Variants in WT1 observed in about 807,000 individuals in gnomAD.
WT1 encodes Wilms tumor protein.
In WT1, 8 loss-of-function variants were observed where a neutral mutation model predicts 60.8. The observed-to-expected ratio is 0.13, with a 90% CI of 0.08 to 0.24. The LOEUF (loss-of-function observed/expected upper bound fraction) is 0.24. Ranked by LOEUF, WT1 falls within the 10% of genes least tolerant of loss-of-function variation. The probability of loss-of-function intolerance (pLI) is 1.00; values close to 1 mark genes in which losing one functional copy is unlikely to be tolerated. For missense variants in WT1, 568 were observed against 711.8 expected (o/e 0.80, Z 2.30); for synonymous variants, 312 against 297.1 (o/e 1.05, Z -0.52).
chr11:32,392,826 T>A (rs1043686471), intron 7 of WT1, 71 bp from the exon 8 acceptor site: 97 of 1,409,682 alleles, frequency 6.9e-5, no homozygotes, highest in Middle Eastern at 1.8e-4. Flanking sequence ...CAACCTCTCC[T>A]ACTAGGACTG....
Position 32,392,646 on chromosome 11 carries a change from T to G in WT1, c.1354+20A>C. ...CCCAAGGGAACACAGCTGCCAGCAA[T>G]GAGAAGTGAACCTACAAACCTGTAT... On this transcript the variant is annotated intron_variant, in intron 8 of 9. Transcript: ENST00000452863. The G allele has an allele frequency of 3.1e-6, 5 of 1,611,414 alleles. No individual in the cohort carries two copies. Among genetic ancestry groups the G allele is most frequent in the Non-Finnish European group, 4.2e-6 (5 of 1,177,608 alleles).
intron 7 of WT1, among the ~76,000 whole-genome samples, chr11:32,395,226 T>C (rs1267119143): frequency 6.6e-6 from 1 of 152,212 alleles, no homozygotes; most frequent in African/African-American, 2.4e-5. Context: ...AATAATGCTG[T>C]TCTTCGATTG....
intron 5 of WT1, 80 bp downstream of exon 5, chr11:32,416,410 T>C: frequency 6.3e-7 from 1 of 1,579,180 alleles, no homozygotes; most frequent in Non-Finnish European, 8.7e-7. Context: ...CCCACGTCAG[T>C]CCTAACTCCT....
intron 3 of WT1, among the ~76,000 whole-genome samples, chr11:32,423,429 C>T (rs1301725492): frequency 6.6e-6 from 1 of 152,220 alleles, no homozygotes; most frequent in Non-Finnish European, 1.5e-5. Flanking sequence ...TGATAATGGC[C>T]TTCAGGGAAA....
At chr11:32,430,524 A>T (rs1489504259) in intron 1 of WT1, 1 of 1,608,314 alleles carries the variant, frequency 6.2e-7, no homozygotes, top group African/African-American at 1.4e-5. Flanking sequence ...TTTTCTCTAG[A>T]CGAACCCTTC....
At chr11:32,403,670 G>A (rs1852224243) in intron 5 of WT1, among the ~76,000 whole-genome samples, 1 of 150,852 alleles carries the variant, frequency 6.6e-6, no homozygotes, top group Non-Finnish European at 1.5e-5. Flanking sequence ...CGCCTCCTGG[G>A]TTCACGCCAT....
intron 1 of WT1, among the ~76,000 whole-genome samples, chr11:32,429,462 T>TTCCC (rs1491447843): frequency 8.0e-6 from 1 of 124,628 alleles, no homozygotes; most frequent in African/African-American, 2.9e-5. Flanking sequence ...ATCCTAGCAT[T>TTCCC]CCCCCCCCCC....
chr11:32,417,542 A>G lies in WT1; in HGVS notation c.965+35T>C, dbSNP rs1188124398. The G allele has an allele frequency of 4.5e-6, 7 of 1,570,572 alleles. No homozygotes were observed. In the African/African-American group the frequency reaches 9.5e-5, roughly 21 times the overall value. On this transcript the variant is annotated intron_variant, in intron 4 of 9. Coordinates refer to ENST00000452863, the MANE Select transcript of WT1 (RefSeq NM_024426.6). ...GAAATGGTTCAAACAGGTATAAGTTACTGTGGAAAGGCAATGGAATAGAGA... is the reference window on the plus strand; with the variant it reads ...GAAATGGTTCAAACAGGTATAAGTTGCTGTGGAAAGGCAATGGAATAGAGA...
chr11:32,398,226 GCTACTTGCC>G (rs1248991824), intron 6 of WT1, among the ~76,000 whole-genome samples: 2 of 152,156 alleles, frequency 1.3e-5, no homozygotes, highest in African/African-American at 4.8e-5. Flanking sequence ...ACATCTCAGA[GCTACTTGCC>G]CCACGTATCA....
Position 32,427,847 on chromosome 11 carries a change from T to A in WT1, c.887+109A>T. ...GAGGCGTCTCGTGCCTCCAAGACCC[T>A]GCATGCCCGCAGTCAGGGCTGCCCG... On this transcript the variant is annotated intron_variant, in intron 3 of 9. Transcript: ENST00000452863. The A allele has an allele frequency of 3.0e-6, 3 of 1,008,806 alleles. No homozygotes were observed. In the South Asian group the frequency reaches 5.0e-5, roughly 17 times the overall value. 62.5% of individuals were successfully genotyped at this position (1,008,806 alleles called of 1,614,324 possible).
chr11:32,400,900 A>C (rs1852134329), intron 5 of WT1, among the ~76,000 whole-genome samples: 1 of 152,234 alleles, frequency 6.6e-6, no homozygotes, highest in Non-Finnish European at 1.5e-5. Flanking sequence ...AGCTCTTATG[A>C]AATAGCTCTG....
chr11:32,431,561 C>A (rs918763330), intron 1 of WT1, among the ~76,000 whole-genome samples: 4 of 151,536 alleles, frequency 2.6e-5, no homozygotes, highest in Non-Finnish European at 5.9e-5. Context: ...CTCAGCCTCC[C>A]GAGTAGCTGG....
chr11:32,399,499 T>C (rs183778892), intron 6 of WT1, among the ~76,000 whole-genome samples: 16 of 152,302 alleles, frequency 1.1e-4, no homozygotes, highest in African/African-American at 3.8e-4. Flanking sequence ...CAATGCCTAG[T>C]ATATAGAAAA....
At chr11:32,395,756 C>G (rs1564972390) in intron 7 of WT1, among the ~76,000 whole-genome samples, 1 of 146,268 alleles carries the variant, frequency 6.8e-6, no homozygotes, top group Non-Finnish European at 1.5e-5. Context: ...GCCCCCATGA[C>G]TGACCTTTTT....
intron 1 of WT1, 113 bp from the exon 2 acceptor site, chr11:32,428,732 C>T (rs1853159447): frequency 1.3e-6 from 2 of 1,507,792 alleles, no homozygotes; most frequent in East Asian, 4.9e-5. Context: ...GCATTCGGAC[C>T]CCCAGCGGAG....
At position 32,409,602 on chromosome 11, in the gene WT1, G is replaced by T. The variant is rs534179952; in HGVS notation, c.1016+6888C>A. Among the ~76,000 whole-genome samples, 51 of 152,016 alleles carry T rather than the reference G, an allele frequency of 3.4e-4. 2 individuals carry two copies. The highest frequency in any genetic ancestry group is 1.2e-3 in the African/African-American group (51 of 41,450). ...GCCTCCCAAGTAGCTGGGACTATAG[G>T]CATGCCAATATGCCCAGCTAATTTT... On this transcript the variant is annotated intron_variant, in intron 5 of 9. Coordinates refer to ENST00000452863, the MANE Select transcript of WT1 (RefSeq NM_024426.6).
intron 1 of WT1, 151 bp downstream of exon 1, chr11:32,434,548 TC>T: frequency 6.8e-7 from 1 of 1,472,540 alleles, no homozygotes; most frequent in Non-Finnish European, 9.0e-7. Flanking sequence ...TCCGGCCTCC[TC>T]CCCAGCCGCC....
rs1400931478 is a variant in WT1 at position 32,435,312 on chromosome 11, G to T, written c.49C>A (p.Pro17Thr). 2.0e-6 allele frequency: 3 copies of T among 1,532,850 alleles called. No homozygotes were observed. The highest frequency in any genetic ancestry group is 2.4e-5 in the South Asian group (2 of 83,966). The allele number at this position is 1,532,850 out of a possible 1,614,324, so 95.0% of individuals were successfully genotyped here. The change falls in exon 1 of 10, where the codon CCG (proline) becomes ACG (threonine). Residue 17 changes from proline to threonine, a missense_variant. By Grantham distance (38) the Pro-to-Thr change is conservative. Coordinates refer to ENST00000452863, the MANE Select transcript of WT1 (RefSeq NM_024426.6). Reference sequence around the variant, plus strand: ...GAGCGGAGCGTGTGCTGAGACGCCGGCTCCGGGACACACGTGGAAGCCGGG... The same window carrying T: ...GAGCGGAGCGTGTGCTGAGACGCCGTCTCCGGGACACACGTGGAAGCCGGG...
At chr11:32,398,873 C>T (rs972348386) in intron 6 of WT1, among the ~76,000 whole-genome samples, 4 of 150,692 alleles carry the variant, frequency 2.7e-5, no homozygotes, top group East Asian at 1.9e-4. Flanking sequence ...GAAAAAAGAC[C>T]GAGCCGGGCA....
Sources: gnomAD v4.1 joint callset for allele counts (sites outside exome capture counted in the v4.1 genomes callset) on GRCh38, gnomAD v4.1.1 for gene constraint, MANE v1.5 for transcripts, NCBI Gene and HGNC (gene_info 2026-07-23, HGNC 2026-07-21) for gene names.